SRGAP2B: variants seen among roughly 807,000 people sequenced by gnomAD.
SRGAP2B encodes SLIT-ROBO Rho GTPase activating protein 2B, also known as SLIT-ROBO Rho GTPase-activating protein 2B.
Under a neutral mutation model 22.2 loss-of-function variants are expected in SRGAP2B, and 9 were observed. The ratio of observed to expected loss-of-function variants is 0.41; its 90% CI spans 0.24 to 0.71. SRGAP2B has a LOEUF of 0.71. Ranked by LOEUF, SRGAP2B falls within the 30% of genes least tolerant of loss-of-function variation. The probability of loss-of-function intolerance (pLI) is 0.35; values close to 1 mark genes in which losing one functional copy is unlikely to be tolerated. For missense variants in SRGAP2B, 114 were observed against 235.8 expected (o/e 0.48, Z 3.38); for synonymous variants, 36 against 87.4 (o/e 0.41, Z 3.28).
intron 2 of SRGAP2B, among the ~76,000 whole-genome samples, chr1:145,084,526 C>A (rs1653214119): frequency 6.7e-6 from 1 of 149,184 alleles, no homozygotes; most frequent in African/African-American, 2.5e-5. Context: ...CTAGTAACAT[C>A]TTTTTCCTAA....
At chr1:145,031,419 A>G in intron 2 of SRGAP2B, among the ~76,000 whole-genome samples, 1 of 130,666 alleles carries the variant, frequency 7.7e-6, no homozygotes, top group East Asian at 2.1e-4. Context: ...CTCAGTCTCT[A>G]TGAGGGCTAG....
Position 144,955,435 on chromosome 1 carries a change from G to C in SRGAP2B, c.423+4C>G. 6.3e-7 allele frequency: 1 copy of C among 1,599,174 alleles called. No individual in the cohort carries two copies. ...AGAACCTCTGTGAAGAAATATCTCT[G>C]TACCTTTTTAAAGAGTCTTCCTGAG... On this transcript the variant is annotated splice_donor_region_variant and intron_variant, in intron 4 of 9. Coordinates refer to ENST00000612199, the Ensembl canonical transcript of SRGAP2B.
chr1:144,925,374 T>C (rs1664590026), intron 4 of SRGAP2B, among the ~76,000 whole-genome samples: 1 of 143,656 alleles, frequency 7.0e-6, no homozygotes. Context: ...CTGGGCACGG[T>C]GGCTCAGGCT....
rs1428793794 is a variant in SRGAP2B, at chr1:144,944,691, ATTTATTT to A, written c.423+10741_423+10747del. Reference sequence around the variant, plus strand: ...AAAGAAAGAATTGGTTGTTTTATTTATTTATTTATTTATTTATTTATTTATTTATTTA... The same window carrying A: ...AAAGAAAGAATTGGTTGTTTTATTTAATTTATTTATTTATTTATTTATTTA... On this transcript the variant is annotated intron_variant, in intron 4 of 9. Transcript: ENST00000612199. Among the ~76,000 whole-genome samples the A allele has an allele frequency of 1.1e-4, 15 of 136,486 alleles. 1 individual carries two copies. Among genetic ancestry groups the A allele is most frequent in the African/African-American group, 4.2e-4 (15 of 36,038 alleles). 89.5% of individuals were successfully genotyped at this position (136,486 alleles called of 152,430 possible). A position where few individuals can be genotyped will look rare whatever the true frequency, so the allele number is the denominator to read the frequency against.
chr1:144,974,150 A>G (rs1187102566), intron 3 of SRGAP2B, among the ~76,000 whole-genome samples: 3 of 149,436 alleles, frequency 2.0e-5, no homozygotes, highest in Non-Finnish European at 4.4e-5. Flanking sequence ...CAGTACATAG[A>G]AAGAGTAAAA....
chr1:144,957,997 C>T (rs1667392778), intron 3 of SRGAP2B, among the ~76,000 whole-genome samples: 2 of 149,874 alleles, frequency 1.3e-5, no homozygotes, highest in South Asian at 4.2e-4. Context: ...AATAATGCCA[C>T]AATTCAATTC....
intron 4 of SRGAP2B, among the ~76,000 whole-genome samples, chr1:144,929,393 C>T (rs868911895): frequency 2.1e-4 from 31 of 149,404 alleles, no homozygotes; most frequent in Middle Eastern, 3.4e-3. Context: ...TCCAAGATCA[C>T]GAAGACTTAC....
chr1:144,991,326 A>T (rs1413678828), intron 3 of SRGAP2B, among the ~76,000 whole-genome samples: 1 of 150,424 alleles, frequency 6.6e-6, no homozygotes, highest in Non-Finnish European at 1.5e-5. Context: ...GTTTGTAAAC[A>T]CACCAATCAG....
exon 10 of SRGAP2B, chr1:144,891,516 T>A (rs1662110735): frequency 3.7e-5 from 1 of 26,868 alleles, no homozygotes; most frequent in Admixed American, 5.2e-4. Flanking sequence ...ACTCAATTAT[T>A]AAAAAGCAGC....
At chr1:145,073,191 G>A (rs1481726635) in intron 2 of SRGAP2B, among the ~76,000 whole-genome samples, 1 of 150,328 alleles carries the variant, frequency 6.7e-6, no homozygotes, top group Non-Finnish European at 1.5e-5. Context: ...AGGAGGTCAG[G>A]TATTTGGCAC....
chr1:144,966,495 T>C (rs1218356439), intron 3 of SRGAP2B, among the ~76,000 whole-genome samples: 1 of 147,164 alleles, frequency 6.8e-6, no homozygotes, highest in Admixed American at 6.6e-5. Flanking sequence ...AAGGAAGTGC[T>C]AAACGTGGAA....
At chr1:145,076,575 G>T in intron 2 of SRGAP2B, among the ~76,000 whole-genome samples, 1 of 148,494 alleles carries the variant, frequency 6.7e-6, no homozygotes, top group Non-Finnish European at 1.5e-5. Flanking sequence ...CATGCTAATG[G>T]TTCCGTTTTT....
intron 2 of SRGAP2B, among the ~76,000 whole-genome samples, chr1:145,001,838 T>C (rs1476346409): frequency 1.3e-5 from 2 of 150,556 alleles, no homozygotes; most frequent in South Asian, 4.2e-4. Context: ...CTGGGCAACA[T>C]GGCAAAATCC....
At chr1:144,979,821 G>A (rs1415458848) in intron 3 of SRGAP2B, among the ~76,000 whole-genome samples, 1 of 151,626 alleles carries the variant, frequency 6.6e-6, no homozygotes, top group East Asian at 1.9e-4. Flanking sequence ...CTCACCAGAA[G>A]CAGACACCAG....
At chr1:144,971,186 A>C (rs1668489344) in intron 3 of SRGAP2B, among the ~76,000 whole-genome samples, 1 of 147,154 alleles carries the variant, frequency 6.8e-6, no homozygotes, top group Admixed American at 6.7e-5. Flanking sequence ...GCTAGAGTGC[A>C]ATGGTGCGAT....
chr1:145,023,181 A>T (rs1239567722), intron 2 of SRGAP2B, among the ~76,000 whole-genome samples: 12 of 140,136 alleles, frequency 8.6e-5, no homozygotes, highest in Non-Finnish European at 1.4e-4. Flanking sequence ...AAAAAAAAAA[A>T]TTTAAATTTA....
chr1:145,084,557 A>G (rs1364534107), intron 2 of SRGAP2B, among the ~76,000 whole-genome samples: 4 of 149,502 alleles, frequency 2.7e-5, no homozygotes, highest in Admixed American at 6.7e-5. Context: ...AGGATTATGG[A>G]ATAATCTATA....
Position 145,044,534 on chromosome 1 carries a change from G to A in SRGAP2B, c.67+48301C>T, listed in dbSNP as rs1161504835. ...CTGTACAAATGTAAATGTTTAGGGA[G>A]ATTGAAGTAGATGAAACAAGTCTGG... is the stretch of plus-strand genomic sequence containing the variant. On this transcript the variant is annotated intron_variant, in intron 2 of 9. Coordinates refer to ENST00000612199, the Ensembl canonical transcript of SRGAP2B. 4.1e-5 allele frequency among the ~76,000 whole-genome samples: 6 copies of A among 145,074 alleles called. No homozygotes were observed. The East Asian group carries it at 8.1e-4, about 20-fold the overall frequency.
chr1:144,917,511 C>T (rs1267647630), intron 4 of SRGAP2B, among the ~76,000 whole-genome samples: 2 of 135,002 alleles, frequency 1.5e-5, no homozygotes, highest in Non-Finnish European at 3.1e-5. Context: ...GTTGCTTACC[C>T]ATGACTTAAA....
Sources: allele counts gnomAD v4.1 joint callset (sites outside exome capture counted in the v4.1 genomes callset), GRCh38; gene constraint gnomAD v4.1.1; transcripts MANE v1.5; gene names NCBI Gene and HGNC (gene_info 2026-07-23, HGNC 2026-07-21).